RCAN1: variants seen among roughly 807,000 people sequenced by gnomAD.
RCAN1 encodes calcipressin-1.
Under a neutral mutation model 22.9 loss-of-function variants are expected in RCAN1, and 11 were observed. That is an observed-to-expected ratio of 0.48 (90% CI 0.30 to 0.79). The LOEUF is 0.79. Among genes scored for constraint, RCAN1 ranks in the 30% least tolerant of loss-of-function variants. The pLI is 0.06. For missense variants in RCAN1, 291 were observed against 337.8 expected, an observed-to-expected ratio of 0.86 and a Z score of 1.09; for synonymous variants, 136 against 142.3, an observed-to-expected ratio of 0.96 and a Z score of 0.32.
intron 1 of RCAN1, among the ~76,000 whole-genome samples, chr21:34,538,591 G>A (rs1302479852): frequency 6.6e-6 from 1 of 152,184 alleles, no homozygotes; most frequent in Non-Finnish European, 1.5e-5. Flanking sequence ...GGTGGGGAGG[G>A]GAAAGGAAAC....
Position 34,614,132 on chromosome 21 carries a change from C to T in RCAN1, c.252+628G>A, listed in dbSNP as rs1191510216. On this transcript the variant is annotated intron_variant, in intron 1 of 3. Transcript: ENST00000313806. The surrounding 1 kb of genome is among the most constrained non-coding windows in gnomAD (Gnocchi z 6.0). Reference sequence around the variant, plus strand: ...TCGACTCCCCATGTACTGGGTGTCCCCGATGGCGGCAAGCCACACCTTCAC... The same window carrying T: ...TCGACTCCCCATGTACTGGGTGTCCTCGATGGCGGCAAGCCACACCTTCAC... 1 of 715,668 alleles carries T rather than the reference C, an allele frequency of 1.4e-6. No individual in the cohort carries two copies. Among genetic ancestry groups the T allele is most frequent in the Non-Finnish European group, 1.8e-6 (1 of 554,026 alleles). 44.3% of individuals were successfully genotyped at this position (715,668 alleles called of 1,614,324 possible). A position where few individuals can be genotyped will look rare whatever the true frequency, so the allele number is the denominator to read the frequency against.
intron 1 of RCAN1, among the ~76,000 whole-genome samples, chr21:34,554,148 G>A (rs571585200): frequency 6.6e-6 from 1 of 152,160 alleles, no homozygotes; most frequent in East Asian, 1.9e-4. Flanking sequence ...TAACTCTACT[G>A]GTTGCTTCTC....
rs891402076 is a variant in RCAN1, at chr21:34,523,671, T to C, written c.292A>G (p.Ile98Val). ...AAGCTCTTAAAATACTGAAAGGTGA[T>C]GTCCTTGTCATACGTCCTAAAGAGG... is the stretch of plus-strand genomic sequence containing the variant. ...ESLFRTYDKDITFQYFKSFKR... is the reference protein window; with the variant it reads ...ESLFRTYDKDVTFQYFKSFKR... The change falls in exon 2 of 4, where the codon ATC (isoleucine) becomes GTC (valine). Residue 98 changes from isoleucine to valine, a missense_variant. Coordinates refer to ENST00000313806, the MANE Select transcript of RCAN1 (RefSeq NM_004414.7). The C allele has an allele frequency of 2.5e-6, 4 of 1,614,192 alleles. No homozygotes were observed. The highest frequency in any genetic ancestry group is 3.3e-5 in the Admixed American group (2 of 60,014).
At chr21:34,568,458 C>G (rs1987113366) in intron 1 of RCAN1, among the ~76,000 whole-genome samples, 1 of 152,182 alleles carries the variant, frequency 6.6e-6, no homozygotes, top group South Asian at 2.1e-4. Flanking sequence ...GAGCTTGTAA[C>G]TTTGAGTCTA....
intron 1 of RCAN1, among the ~76,000 whole-genome samples, chr21:34,535,831 C>G (rs1029420196): frequency 2.1e-5 from 3 of 145,418 alleles, no homozygotes; most frequent in Admixed American, 7.0e-5. Context: ...ATGCTAAAGA[C>G]TTTTTTTTTA....
intron 1 of RCAN1, among the ~76,000 whole-genome samples, chr21:34,570,063 C>T (rs951311881): frequency 2.6e-5 from 4 of 152,214 alleles, no homozygotes; most frequent in Non-Finnish European, 2.9e-5. Context: ...GAAGGACAGA[C>T]GGGAGGGCCC....
intron 1 of RCAN1, among the ~76,000 whole-genome samples, chr21:34,543,095 A>G (rs990361996): frequency 1.3e-5 from 2 of 152,226 alleles, no homozygotes; most frequent in Non-Finnish European, 2.9e-5. Context: ...GGCTTGGTGC[A>G]TAGGAAGTTT....
At chr21:34,581,725 A>G (rs1987616201) in intron 1 of RCAN1, among the ~76,000 whole-genome samples, 2 of 152,232 alleles carry the variant, frequency 1.3e-5, no homozygotes, top group South Asian at 2.1e-4. Context: ...ACTTTGCATG[A>G]AAGTTTTAAT....
chr21:34,524,949 T>G, intron 1 of RCAN1: 11 of 1,402,652 alleles, frequency 7.8e-6, no homozygotes, highest in Non-Finnish European at 1.0e-5. Context: ...GTCGCCGGGT[T>G]TTGTGAATCT....
At chr21:34,583,515 G>C (rs1418152582) in intron 1 of RCAN1, among the ~76,000 whole-genome samples, 1 of 152,152 alleles carries the variant, frequency 6.6e-6, no homozygotes, top group Non-Finnish European at 1.5e-5. Context: ...CGGTGTCTTT[G>C]TAAGAGGAGA....
intron 1 of RCAN1, among the ~76,000 whole-genome samples, chr21:34,607,789 C>T (rs1568934693): frequency 6.6e-6 from 1 of 152,204 alleles, no homozygotes. Context: ...TAGCAGGGAT[C>T]GCCAACCTCC....
intron 2 of RCAN1, chr21:34,523,218 C>G: frequency 3.9e-6 from 1 of 256,204 alleles, no homozygotes; most frequent in South Asian, 5.8e-5. Flanking sequence ...AAACCTGCTG[C>G]GCAAACCTTA....
At chr21:34,526,889 A>G (rs1190806571) in intron 1 of RCAN1, 9 of 1,455,226 alleles carry the variant, frequency 6.2e-6, no homozygotes, top group South Asian at 1.4e-5. Flanking sequence ...TGGGGAAAAA[A>G]AAAGTGCAGC....
chr21:34,519,461 A>C (rs1568876137), intron 3 of RCAN1, among the ~76,000 whole-genome samples: 1 of 145,854 alleles, frequency 6.9e-6, no homozygotes, highest in Non-Finnish European at 1.5e-5. Flanking sequence ...TGCAGTGACA[A>C]GATCTCGGCT....
chr21:34,597,898 T>A (rs1055169741), intron 1 of RCAN1, among the ~76,000 whole-genome samples: 4 of 152,194 alleles, frequency 2.6e-5, no homozygotes, highest in African/African-American at 9.7e-5. Context: ...ATAAGTGTAA[T>A]TTAAAAATCC....
intron 3 of RCAN1, among the ~76,000 whole-genome samples, chr21:34,520,245 A>G (rs1357113209): frequency 2.0e-5 from 3 of 152,204 alleles, no homozygotes; most frequent in Non-Finnish European, 2.9e-5. Context: ...ATTCTGGAGT[A>G]TGCAGAATTT....
chr21:34,609,601 G>A (rs1326691044), intron 1 of RCAN1, among the ~76,000 whole-genome samples: 1 of 152,218 alleles, frequency 6.6e-6, no homozygotes, highest in Non-Finnish European at 1.5e-5. Context: ...TCCTGCCTTA[G>A]CTATTCTGCT....
intron 1 of RCAN1, among the ~76,000 whole-genome samples, chr21:34,596,514 G>A (rs978976237): frequency 1.3e-5 from 2 of 152,078 alleles, no homozygotes; most frequent in Non-Finnish European, 2.9e-5. Context: ...CTCAGCTGAG[G>A]GCCTTCTCGA....
chr21:34,525,388 G>A (rs576208197), intron 1 of RCAN1: 5 of 1,448,034 alleles, frequency 3.5e-6, no homozygotes, highest in East Asian at 5.0e-5. Context: ...GCGAAGGAAC[G>A]CGGAGCTGGC....
Sources: allele counts gnomAD v4.1 joint callset (sites outside exome capture counted in the v4.1 genomes callset), GRCh38; gene constraint gnomAD v4.1.1; non-coding constraint Gnocchi (gnomAD v3.1); transcripts MANE v1.5; gene names NCBI Gene and HGNC (gene_info 2026-07-23, HGNC 2026-07-21).